The following PASK variants were observed in gnomAD, a reference collection of about 807,000 sequenced individuals.
PASK encodes PAS domain-containing serine/threonine-protein kinase.
PASK carries 110 observed loss-of-function variants against 121.0 expected under a neutral mutation model. The ratio of observed to expected loss-of-function variants is 0.91; its 90% CI spans 0.78 to 1.06. PASK has a LOEUF of 1.06. Among genes scored for constraint, PASK ranks in the 50% least tolerant of loss-of-function variants. The pLI, the probability that PASK is intolerant of heterozygous loss-of-function variation, is 0.00. For missense variants in PASK, 1,643 were observed against 1,702.3 expected, an observed-to-expected ratio of 0.97 and a Z score of 0.61; for synonymous variants, 686 against 717.8, an observed-to-expected ratio of 0.96 and a Z score of 0.71.
chr2:241,147,084 A>G (rs1362233662), intron 1 of PASK, among the ~76,000 whole-genome samples: 5 of 152,210 alleles, frequency 3.3e-5, no homozygotes, highest in African/African-American at 7.2e-5. Context: ...ACAGGTTTAC[A>G]TCTCCTTCTC....
chr2:241,135,877 C>A lies in PASK; in HGVS notation c.1300G>T (p.Gly434Cys). 2 of 1,613,968 alleles carry A rather than the reference C, an allele frequency of 1.2e-6. No homozygotes were observed. The highest frequency in any genetic ancestry group is 1.7e-6 in the Non-Finnish European group (2 of 1,179,866). The change falls in exon 8 of 18, where the codon GGC becomes TGC. Residue 434 changes from glycine (G) to cysteine (C), a missense_variant. Physicochemically the swap from Gly to Cys is radical, Grantham distance 159. Transcript: ENST00000234040. ...GAGGAAGAGGACGTCTTACCCTGGC[C>A]CCCCTCAGCTGGGTCCTGGCCCTGC... ...PWQGQDPAEGGQDPRINVVLA... is the reference protein window; with the variant it reads ...PWQGQDPAEGCQDPRINVVLA...
chr2:241,146,562 C>A (rs1300683840), intron 1 of PASK, among the ~76,000 whole-genome samples: 3 of 152,176 alleles, frequency 2.0e-5, no homozygotes, highest in African/African-American at 7.2e-5. Context: ...CTAATTACAG[C>A]AGTGAAAACA....
chr2:241,129,152 G>A (rs1286327496), intron 9 of PASK, among the ~76,000 whole-genome samples: 1 of 152,126 alleles, frequency 6.6e-6, no homozygotes, highest in African/African-American at 2.4e-5. Flanking sequence ...GATCAGGTAA[G>A]ACAGGAGGCG....
intron 9 of PASK, 118 bp from the exon 10 acceptor site, chr2:241,127,569 A>C: frequency 2.3e-6 from 2 of 869,228 alleles, no homozygotes; most frequent in Non-Finnish European, 3.8e-6. Context: ...AATTTATAAC[A>C]AGAAAAAGAC....
rs776486248 is a variant in PASK at position 241,135,855 on chromosome 2, G to A, written c.1306+16C>T. On this transcript the variant is annotated intron_variant, in intron 8 of 17. Coordinates refer to ENST00000234040, the MANE Select transcript of PASK (RefSeq NM_015148.4). ...CAGCAGCTACAGGCGCATTCAGGAG[G>A]AAGAGGACGTCTTACCCTGGCCCCC... 1.9e-6 allele frequency: 3 copies of A among 1,612,124 alleles called. No homozygotes were observed. Among genetic ancestry groups the A allele is most frequent in the African/African-American group, 2.7e-5 (2 of 74,892 alleles).
chr2:241,137,464 TCA>T (rs2066490416), intron 6 of PASK, among the ~76,000 whole-genome samples, 200 bp from the exon 7 acceptor site: 2 of 152,022 alleles, frequency 1.3e-5, no homozygotes, highest in Non-Finnish European at 2.9e-5. Context: ...TGGGGAGGAC[TCA>T]GTGTCCAGAG....
chr2:241,131,927 G>T (rs981748590), intron 9 of PASK, among the ~76,000 whole-genome samples: 2 of 151,826 alleles, frequency 1.3e-5, no homozygotes, highest in African/African-American at 4.8e-5. Flanking sequence ...GGTGGCAGGT[G>T]CCTGTAGTCT....
In PASK at chr2:241,126,840, G is replaced by T. The variant is rs886109968; in HGVS notation, c.2075C>A (p.Ala692Asp). 1 of 1,612,996 alleles carries T rather than the reference G, an allele frequency of 6.2e-7. No individual in the cohort carries two copies. The highest frequency in any genetic ancestry group is 8.5e-7 in the Non-Finnish European group (1 of 1,179,106). The change falls in exon 10 of 18, where the codon GCT becomes GAT. Residue 692 changes from alanine to aspartate, a missense_variant. Ala to Asp is a moderately radical substitution (Grantham distance 126). Around this residue, in one of 3 missense-constraint regions of PASK, gnomAD observed 1,176 missense variants for 1,162.2 expected, o/e 1.01. Transcript: ENST00000234040. ...TCCCAGATCGCAGGACGACACAGGA[G>T]CGGTGACAGCCTGGCACTCTGTCGG... ...LVPTECQAVT[A>D]PVSSCDLGGR...
chr2:241,109,679 C>G (rs13389065), intron 15 of PASK: 35,876 of 152,236 alleles, frequency 0.24, 6,616 homozygotes, highest in African/African-American at 0.5. Flanking sequence ...GGAAGCTGAG[C>G]GGACGGATGA....
chr2:241,149,963 A>G, upstream of PASK: 7 of 1,423,820 alleles, frequency 4.9e-6, no homozygotes, highest in Non-Finnish European at 6.4e-6. Context: ...TCGCATGGGT[A>G]AAATCCGCGC....
At chr2:241,139,856 G>C (rs764297305) in intron 4 of PASK, 29 bp downstream of exon 4, 1 of 1,611,180 alleles carries the variant, frequency 6.2e-7, no homozygotes, top group African/African-American at 1.3e-5. Context: ...CTTGAGGCCA[G>C]ACTGAACGCT....
intron 12 of PASK, among the ~76,000 whole-genome samples, chr2:241,117,010 C>CA (rs2065403137): frequency 6.6e-6 from 1 of 152,176 alleles, no homozygotes; most frequent in Non-Finnish European, 1.5e-5. Context: ...GAAGGCCCTC[C>CA]AGGCAGAGGG....
Position 241,126,653 on chromosome 2 carries a change from TTGGTCTGTC to T in PASK, c.2253_2261del (p.Asp753_Thr755del). On this transcript the variant is annotated inframe_deletion, in exon 10 of 18. Coordinates refer to ENST00000234040, the MANE Select transcript of PASK (RefSeq NM_015148.4). Reference sequence around the variant, plus strand: ...TAGCACAGGAACAATTTGATGACGTTTGGTCTGTCTGGTCACTGAAAAAGAGTTCCTTGA... The same window carrying T: ...TAGCACAGGAACAATTTGATGACGTTTGGTCACTGAAAAAGAGTTCCTTGA... 6.2e-7 allele frequency: 1 copy of T among 1,614,220 alleles called. No individual in the cohort carries two copies. The highest frequency in any genetic ancestry group is 1.1e-5 in the South Asian group (1 of 91,074).
At position 241,129,441 on chromosome 2, in the gene PASK, C is replaced by T. The variant is rs115953081; in HGVS notation, c.1464-1990G>A. ...AGACCCCAGCAGGCTGGGGAGAGGGCTTCACGGGCATCCACTGCCCTGTGT... is the reference window on the plus strand; with the variant it reads ...AGACCCCAGCAGGCTGGGGAGAGGGTTTCACGGGCATCCACTGCCCTGTGT... On this transcript the variant is annotated intron_variant, in intron 9 of 17. Coordinates refer to ENST00000234040, the MANE Select transcript of PASK (RefSeq NM_015148.4). Among the ~76,000 whole-genome samples, 1,029 of 152,288 alleles carry T rather than the reference C, an allele frequency of 6.8e-3. 10 individuals are homozygous for T. Among genetic ancestry groups the T allele is most frequent in the African/African-American group, 0.022 (933 of 41,578 alleles).
chr2:241,137,867 A>G, intron 6 of PASK, 86 bp downstream of exon 6: 1 of 1,499,070 alleles, frequency 6.7e-7, no homozygotes, highest in Non-Finnish European at 9.3e-7. Context: ...CCTTGCCTTC[A>G]GAAACCCTTG....
intron 1 of PASK, among the ~76,000 whole-genome samples, chr2:241,147,556 G>A (rs923705146): frequency 6.6e-6 from 1 of 152,204 alleles, no homozygotes; most frequent in African/African-American, 2.4e-5. Flanking sequence ...AGGAGGCGGA[G>A]GCTGCAGTGA....
rs2065880693 is a variant in PASK, at chr2:241,126,671, GAA to G, written c.2242_2243del (p.Phe748GlnfsTer2). 6.2e-7 allele frequency: 1 copy of G among 1,614,078 alleles called. No individual in the cohort carries two copies. Among genetic ancestry groups the G allele is most frequent in the Non-Finnish European group, 8.5e-7 (1 of 1,180,036 alleles). On this transcript the variant is annotated frameshift_variant, in exon 10 of 18. Coordinates refer to ENST00000234040, the MANE Select transcript of PASK (RefSeq NM_015148.4). LOFTEE classifies it high-confidence loss of function. ...ATGACGTTTGGTCTGTCTGGTCACTGAAAAAGAGTTCCTTGAGGTTCCAGGAA... is the reference window on the plus strand; with the variant it reads ...ATGACGTTTGGTCTGTCTGGTCACTGAAAGAGTTCCTTGAGGTTCCAGGAA... The part of the protein sequence containing the change: ...SFSWNLKELF[F>X]SDQTDQTSSN...
Position 241,131,159 on chromosome 2 carries a change from T to G in PASK, c.1463+1715A>C, listed in dbSNP as rs994601046. Among the ~76,000 whole-genome samples, 2 of 151,872 alleles carry G rather than the reference T, an allele frequency of 1.3e-5. 1 individual carries two copies. The highest frequency in any genetic ancestry group is 3.9e-4 in the East Asian group (2 of 5,184). The stretch of plus-strand genomic sequence containing the variant: ...CATATGCATGTATTACATTTTTTTT[T>G]TTTTTTTGAGACGGAGTCTCACTCT... On this transcript the variant is annotated intron_variant, in intron 9 of 17. Transcript: ENST00000234040.
In PASK at chr2:241,142,973, G is replaced by A. The variant is rs1356742198; in HGVS notation, c.60C>T (p.Leu20=). 1 of 1,613,932 alleles carries A rather than the reference G, an allele frequency of 6.2e-7. No homozygotes were observed. The highest frequency in any genetic ancestry group is 1.3e-5 in the African/African-American group (1 of 74,936). The part of the protein sequence containing the change: ...EEDQRCLSQS[L]PLPVSAEGPA... ...GGCCCTCTGCTGACACTGGCAAGGGGAGGCTCTGGGAAAGGCATCTCTGGT... is the reference window on the plus strand; with the variant it reads ...GGCCCTCTGCTGACACTGGCAAGGGAAGGCTCTGGGAAAGGCATCTCTGGT... The change falls in exon 2 of 18, where the codon CTC becomes CTT. Residue 20 remains leucine, a synonymous_variant. Transcript: ENST00000234040.
Sources: allele counts gnomAD v4.1 joint callset (sites outside exome capture counted in the v4.1 genomes callset), GRCh38; gene constraint gnomAD v4.1.1; regional missense constraint gnomAD v4.1.1; transcripts MANE v1.5; gene names NCBI Gene and HGNC (gene_info 2026-07-23, HGNC 2026-07-21).